Variants in SOS2 observed in about 807,000 individuals in gnomAD.
The protein encoded by SOS2 is son of sevenless homolog 2.
SOS2 carries 65 observed loss-of-function variants against 148.2 expected under a neutral mutation model. The observed-to-expected ratio is 0.44, with a 90% CI of 0.36 to 0.54. The LOEUF is 0.54. Among genes scored for constraint, SOS2 ranks in the 20% least tolerant of loss-of-function variants. The pLI is 0.00. For synonymous variants in SOS2, 539 were observed against 537.1 expected (o/e 1.00, Z -0.05); for missense variants, 1,341 against 1,590.2 (o/e 0.84, Z 2.67).
intron 19 of SOS2, 115 bp from the exon 20 acceptor site, chr14:50,130,877 T>C: frequency 1.2e-6 from 1 of 822,078 alleles, no homozygotes; most frequent in Non-Finnish European, 1.9e-6. Flanking sequence ...TTCTTAAGCG[T>C]GCAGTCCTTC....
At chr14:50,125,015 T>A (rs1206254619) in intron 21 of SOS2, among the ~76,000 whole-genome samples, 1 of 152,218 alleles carries the variant, frequency 6.6e-6, no homozygotes, top group Non-Finnish European at 1.5e-5. Context: ...TGTTATGGGT[T>A]GAATTGTGTT....
At chr14:50,145,116 T>C in intron 16 of SOS2, 54 bp downstream of exon 16, 3 of 1,013,374 alleles carry the variant, frequency 3.0e-6, no homozygotes, top group Non-Finnish European at 4.1e-6. Flanking sequence ...AAATTTCTTT[T>C]ATGCTAATTT....
Position 50,150,072 on chromosome 14 carries a change from G to C in SOS2, c.2320C>G (p.Leu774Val). 6.2e-7 allele frequency: 1 copy of C among 1,614,050 alleles called. No individual in the cohort carries two copies. Among genetic ancestry groups the C allele is most frequent in the Non-Finnish European group, 8.5e-7 (1 of 1,179,922 alleles). ...ATTTCTATTGGATGAAGTGTCATGA[G>C]ATCAAATGTTTCAAACTGTCCTGGT... ...SKPGQFETFD[L>V]MTLHPIEIAR... Residue 774 changes from leucine to valine, a missense_variant, in exon 14 of 23, where the codon CTC (leucine) becomes GTC (valine). By Grantham distance (32) the Leu-to-Val change is conservative. Around this residue, in one of 4 missense-constraint regions of SOS2, gnomAD observed 408 missense variants for 506.6 expected, o/e 0.81. Transcript: ENST00000216373.
intron 13 of SOS2, among the ~76,000 whole-genome samples, chr14:50,151,226 G>A (rs1025038390): frequency 1.3e-5 from 2 of 152,160 alleles, no homozygotes; most frequent in Non-Finnish European, 2.9e-5. Flanking sequence ...GAGTCAATGT[G>A]TCTCAAGTCT....
intron 18 of SOS2, among the ~76,000 whole-genome samples, chr14:50,135,276 T>C (rs1280254050): frequency 6.6e-6 from 1 of 151,698 alleles, no homozygotes; most frequent in African/African-American, 2.4e-5. Flanking sequence ...GCCAGGGCAA[T>C]ATGGTGAGAC....
At chr14:50,160,544 G>A (rs981634262) in intron 9 of SOS2, among the ~76,000 whole-genome samples, 1 of 151,754 alleles carries the variant, frequency 6.6e-6, no homozygotes, top group Non-Finnish European at 1.5e-5. Context: ...CTGCCACCAC[G>A]CCTGGCTAAT....
At chr14:50,137,600 G>GC (rs1341229791) in intron 18 of SOS2, among the ~76,000 whole-genome samples, 1 of 151,910 alleles carries the variant, frequency 6.6e-6, no homozygotes, top group Non-Finnish European at 1.5e-5. Flanking sequence ...TATTTTCATA[G>GC]CAAGACAAAT....
chr14:50,231,169 C>A, intron 1 of SOS2, 28 bp downstream of exon 1: 1 of 1,346,202 alleles, frequency 7.4e-7, no homozygotes, highest in South Asian at 1.8e-5. Flanking sequence ...ACGGGCCACC[C>A]GCCGGCCGCC....
chr14:50,172,778 T>G (rs1270036236), intron 8 of SOS2, among the ~76,000 whole-genome samples: 1 of 152,158 alleles, frequency 6.6e-6, no homozygotes, highest in Admixed American at 6.6e-5. Flanking sequence ...TTTTCCCATT[T>G]CTAATTCCTT....
intron 21 of SOS2, among the ~76,000 whole-genome samples, chr14:50,129,551 A>C (rs56006607): frequency 0.021 from 3,134 of 152,116 alleles, 73 homozygotes; most frequent in Non-Finnish European, 0.026. Flanking sequence ...TATCCGGCTA[A>C]TTTTTGTAAT....
chr14:50,165,772 T>C (rs574084160), intron 8 of SOS2, among the ~76,000 whole-genome samples: 1 of 152,350 alleles, frequency 6.6e-6, no homozygotes, highest in East Asian at 1.9e-4. Context: ...CAATAATGAA[T>C]GTTTTTTGAG....
At chr14:50,140,127 T>A in intron 16 of SOS2, 68 bp from the exon 17 acceptor site, 2 of 801,278 alleles carry the variant, frequency 2.5e-6, no homozygotes, top group Non-Finnish European at 2.0e-6. Context: ...TGCAAACCTT[T>A]AAATTTTATA....
chr14:50,122,391 C>CTTTTTTTTTTTTTTTTTTTT (rs71118839), intron 21 of SOS2, among the ~76,000 whole-genome samples: 3 of 88,292 alleles, frequency 3.4e-5, no homozygotes, highest in African/African-American at 1.4e-4. Context: ...GAACCCTGGG[C>CTTTTTTTTTTTTTTTTTTTT]TTTTTTTTTT....
At chr14:50,157,884 T>A (rs969048996) in intron 11 of SOS2, among the ~76,000 whole-genome samples, 2 of 152,114 alleles carry the variant, frequency 1.3e-5, no homozygotes, top group Non-Finnish European at 2.9e-5. Flanking sequence ...TAAAACAAAT[T>A]CAACCCAACA....
At chr14:50,161,893 G>A (rs919354948) in intron 8 of SOS2, among the ~76,000 whole-genome samples, 1 of 150,572 alleles carries the variant, frequency 6.6e-6, no homozygotes, top group Non-Finnish European at 1.5e-5. Context: ...TGAGACCACA[G>A]GCGAATGCCA....
rs71118844 is a variant in SOS2, at chr14:50,141,203, CAAAAAAAAA to C, written c.2668-1153_2668-1145del. On this transcript the variant is annotated intron_variant, in intron 16 of 22. Coordinates refer to ENST00000216373, the MANE Select transcript of SOS2 (RefSeq NM_006939.4). ...TGGGTGACAGAGCGAGACTCTGTCTCAAAAAAAAAAAAAAAAAAAAAAAAAAAAAATTCT... is the reference window on the plus strand; with the variant it reads ...TGGGTGACAGAGCGAGACTCTGTCTCAAAAAAAAAAAAAAAAAAAAATTCT... Among the ~76,000 whole-genome samples the C allele has an allele frequency of 9.0e-3, 274 of 30,602 alleles. 1 individual carries two copies. Among genetic ancestry groups the C allele is most frequent in the Non-Finnish European group, 0.012 (225 of 18,922 alleles). 20.1% of individuals were successfully genotyped at this position (30,602 alleles called of 152,430 possible). A position where few individuals can be genotyped will look rare whatever the true frequency, so the allele number is the denominator to read the frequency against.
intron 7 of SOS2, among the ~76,000 whole-genome samples, chr14:50,175,277 A>G (rs1885486983): frequency 6.6e-6 from 1 of 152,170 alleles, no homozygotes; most frequent in Non-Finnish European, 1.5e-5. Flanking sequence ...TGTGATAACC[A>G]TATCACTTCT....
chr14:50,146,134 C>CAAAA (rs775495958), intron 14 of SOS2, among the ~76,000 whole-genome samples: 5 of 85,164 alleles, frequency 5.9e-5, no homozygotes, highest in South Asian at 3.9e-4. Context: ...GCTCTGTCTC[C>CAAAA]AAAAAAAAAA....
intron 4 of SOS2, among the ~76,000 whole-genome samples, chr14:50,190,522 A>C (rs772688567): frequency 6.6e-6 from 1 of 152,194 alleles, no homozygotes. Context: ...CGCAGGCTTT[A>C]GATTACTCCA....
Sources: allele counts gnomAD v4.1 joint callset (sites outside exome capture counted in the v4.1 genomes callset), GRCh38; gene constraint gnomAD v4.1.1; regional missense constraint gnomAD v4.1.1; transcripts MANE v1.5; gene names NCBI Gene and HGNC (gene_info 2026-07-23, HGNC 2026-07-21).